ZFHX3: variants seen among roughly 807,000 people sequenced by gnomAD.
ZFHX3 encodes zinc finger homeobox 3.
A neutral mutation model predicts 279.1 loss-of-function variants in ZFHX3; 42 were observed. That is an observed-to-expected ratio of 0.15 (90% confidence interval 0.12 to 0.19). The LOEUF is 0.19. ZFHX3 is among the 10% of genes least tolerant of loss of function. The probability of loss-of-function intolerance (pLI) is 1.00; values close to 1 mark genes in which losing one functional copy is unlikely to be tolerated. For synonymous variants in ZFHX3, 2,293 were observed against 1,957.8 expected (o/e 1.17, Z -4.52); for missense variants, 4,981 against 4,754.0 (o/e 1.05, Z -1.40).
At chr16:73,578,074 C>T (rs1401653927) in intron 2 of ZFHX3, among the ~76,000 whole-genome samples, 1 of 152,216 alleles carries the variant, frequency 6.6e-6, no homozygotes, top group Non-Finnish European at 1.5e-5. Context: ...TGGCTCTGCT[C>T]AAACCCAGCA....
chr16:72,960,966 C>T (rs942662020), intron 1 of ZFHX3, among the ~76,000 whole-genome samples: 1 of 152,102 alleles, frequency 6.6e-6, no homozygotes, highest in Non-Finnish European at 1.5e-5. Context: ...AAAGATGGGT[C>T]CCCAGATTCC....
intron 5 of ZFHX3, among the ~76,000 whole-genome samples, chr16:73,158,344 T>C (rs1043955892): frequency 6.6e-6 from 1 of 152,172 alleles, no homozygotes; most frequent in Admixed American, 6.5e-5. Flanking sequence ...ATAAGACTGG[T>C]AGTATTCTGC....
At chr16:73,866,009 A>G (rs981154347) in intron 1 of ZFHX3, among the ~76,000 whole-genome samples, 6 of 151,734 alleles carry the variant, frequency 4.0e-5, no homozygotes, top group Admixed American at 3.9e-4. Context: ...AAAACAAAAT[A>G]AAACAAAACA....
At chr16:73,737,152 A>G (rs999704883) in intron 1 of ZFHX3, among the ~76,000 whole-genome samples, 1 of 151,940 alleles carries the variant, frequency 6.6e-6, no homozygotes, top group Admixed American at 6.6e-5. Context: ...TCCCACTTCA[A>G]CTTCCGAAGT....
intron 1 of ZFHX3, among the ~76,000 whole-genome samples, chr16:72,978,495 C>T (rs934418381): frequency 1.3e-5 from 2 of 152,154 alleles, no homozygotes; most frequent in South Asian, 4.1e-4. Context: ...ACCCAGGACC[C>T]CTTCCCCCAC....
In ZFHX3 at chr16:72,963,008, A is replaced by G. The variant is rs576211110; in HGVS notation, c.-49-2814T>C. 4.5e-4 allele frequency among the ~76,000 whole-genome samples: 69 copies of G among 152,258 alleles called. 1 individual carries two copies. The South Asian group carries it at 5.4e-3, about 12-fold the overall frequency. ...CTCTCGCTCTGTTTATCAGCCAGTCAATAAGAAAAAGGTAGTTCTTACTTA... is the reference window on the plus strand; with the variant it reads ...CTCTCGCTCTGTTTATCAGCCAGTCGATAAGAAAAAGGTAGTTCTTACTTA... On this transcript the variant is annotated intron_variant, in intron 1 of 9. Transcript: ENST00000268489.
chr16:72,959,825 G>A lies in ZFHX3; in HGVS notation c.321C>T (p.Pro107=), dbSNP rs1397360274. 6.3e-7 allele frequency: 1 copy of A among 1,593,864 alleles called. No individual in the cohort carries two copies. The highest frequency in any genetic ancestry group is 1.3e-5 in the African/African-American group (1 of 74,716). ...TGTCGCTGGCGCTCTCCTCTCTCAG[G>A]GGTGGCGGGGGGCGCGCGCTGGGGC... ...HHCPSARPPP[P]LREESASDTG... is the part of the protein sequence containing the mutation. The change falls in exon 2 of 10, where the codon CCC becomes CCT. Residue 107 remains proline (P), a synonymous_variant. Coordinates refer to ENST00000268489, the MANE Select transcript of ZFHX3 (RefSeq NM_006885.4).
chr16:72,796,115 G>A lies in ZFHX3; in HGVS notation c.6567C>T (p.Ile2189=). 1 of 1,614,170 alleles carries A rather than the reference G, an allele frequency of 6.2e-7. No homozygotes were observed. The highest frequency in any genetic ancestry group is 8.5e-7 in the Non-Finnish European group (1 of 1,180,034). Residue 2189 remains isoleucine (I), a synonymous_variant, in exon 9 of 10, where the codon ATC becomes ATT. Coordinates refer to ENST00000268489, the MANE Select transcript of ZFHX3 (RefSeq NM_006885.4). ...AGAGAGTGTTCCTGAACCAGTGCTT[G>A]ATCACTTTCTGGGGCAACCCGGACT... is the stretch of plus-strand genomic sequence containing the variant. The part of the protein sequence containing the change: ...ADKSGLPQKV[I]KHWFRNTLFK...
intron 1 of ZFHX3, among the ~76,000 whole-genome samples, chr16:73,854,769 A>G (rs982312169): frequency 7.2e-6 from 1 of 139,850 alleles, no homozygotes; most frequent in Non-Finnish European, 1.5e-5. Context: ...CAATTTTTAT[A>G]TTTCTAGAAG....
At chr16:73,473,448 T>C (rs926820857) in intron 2 of ZFHX3, among the ~76,000 whole-genome samples, 1 of 149,984 alleles carries the variant, frequency 6.7e-6, no homozygotes, top group African/African-American at 2.5e-5. Context: ...GAAAATAAGG[T>C]AGGAGACATA....
chr16:73,074,291 C>A (rs1965859434), intron 8 of ZFHX3, among the ~76,000 whole-genome samples: 1 of 152,196 alleles, frequency 6.6e-6, no homozygotes, highest in South Asian at 2.1e-4. Context: ...GTGACCTCAC[C>A]CAGCTCCTCA....
intron 7 of ZFHX3, among the ~76,000 whole-genome samples, chr16:73,095,286 T>C (rs1966146431): frequency 6.6e-6 from 1 of 152,042 alleles, no homozygotes; most frequent in Non-Finnish European, 1.5e-5. Flanking sequence ...CCCACACCCA[T>C]CTTGCCTCTC....
At chr16:73,363,783 A>T (rs1432259727) in intron 3 of ZFHX3, among the ~76,000 whole-genome samples, 2 of 152,170 alleles carry the variant, frequency 1.3e-5, no homozygotes, top group African/African-American at 4.8e-5. Flanking sequence ...GATACAACAG[A>T]TAAGGAAGAC....
At chr16:73,477,760 G>A (rs1396397511) in intron 2 of ZFHX3, among the ~76,000 whole-genome samples, 2 of 152,136 alleles carry the variant, frequency 1.3e-5, no homozygotes, top group Non-Finnish European at 2.9e-5. Flanking sequence ...TTGAGAATGG[G>A]GTGTCAGTTA....
At chr16:73,448,685 C>CGTGTATGTGT (rs1555517514) in intron 3 of ZFHX3, among the ~76,000 whole-genome samples, 7 of 142,090 alleles carry the variant, frequency 4.9e-5, no homozygotes, top group African/African-American at 1.8e-4. Flanking sequence ...TATTTATATA[C>CGTGTATGTGT]GTGTGTGTGT....
At chr16:73,589,733 C>A (rs1283684031) in intron 2 of ZFHX3, among the ~76,000 whole-genome samples, 1 of 29,590 alleles carries the variant, frequency 3.4e-5, no homozygotes, top group Non-Finnish European at 7.4e-5. Flanking sequence ...GACTCCGTCT[C>A]AAAAAAAAAA....
chr16:73,640,961 A>T lies in ZFHX3; in HGVS notation c.-1547+39219T>A, dbSNP rs2052567882. ...GATGTTTCCAGAAGGAGAAAAGCAG[A>T]TCATACAAAGCAGCCGGAACTAGAA... On this transcript the variant is annotated intron_variant, in intron 2 of 17. Coordinates refer to the ZFHX3 transcript ENST00000641206. Among the ~76,000 whole-genome samples, 5 of 152,320 alleles carry T rather than the reference A, an allele frequency of 3.3e-5. No individual in the cohort carries two copies. In the South Asian group the frequency reaches 1.0e-3, roughly 32 times the overall value.
rs1232162057 is a variant in ZFHX3, at chr16:72,785,991, A to ATAAT, written c.*1169_*1172dup. 6.6e-6 allele frequency: 1 copy of ATAAT among 152,214 alleles called. No homozygotes were observed. The highest frequency in any genetic ancestry group is 2.4e-5 in the African/African-American group (1 of 41,454). The allele number at this position is 152,214 out of a possible 1,614,324, so 9.4% of individuals were successfully genotyped here. A position where few individuals can be genotyped will look rare whatever the true frequency, so the allele number is the denominator to read the frequency against. On this transcript the variant is annotated 3_prime_UTR_variant, in exon 10 of 10. Transcript: ENST00000268489. ...GAAATTCTTTCTTTAGTTTTATAAA[A>ATAAT]TAATTCTGCAGCTCCCTCTAAGAAA...
intron 1 of ZFHX3, among the ~76,000 whole-genome samples, chr16:73,812,966 A>G (rs1210574090): frequency 6.6e-6 from 1 of 152,220 alleles, no homozygotes; most frequent in Non-Finnish European, 1.5e-5. Context: ...TAATTAGCTA[A>G]TATCTACAAG....
Sources: allele counts gnomAD v4.1 joint callset (sites outside exome capture counted in the v4.1 genomes callset), GRCh38; gene constraint gnomAD v4.1.1; transcripts MANE v1.5; gene names NCBI Gene and HGNC (gene_info 2026-07-23, HGNC 2026-07-21).